The following TREH variants were observed in gnomAD, a reference collection of about 807,000 sequenced individuals.
TREH encodes the protein alpha,alpha-trehalose glucohydrolase.
Under a neutral mutation model 80.5 loss-of-function variants are expected in TREH, and 69 were observed. The observed-to-expected ratio is 0.86, with a 90% CI of 0.71 to 1.05. TREH has a LOEUF of 1.05. Ranked by LOEUF, TREH falls within the 50% of genes least tolerant of loss-of-function variation. The pLI is 0.00. For synonymous variants in TREH, 309 were observed against 293.5 expected (o/e 1.05, Z -0.54); for missense variants, 716 against 718.8 (o/e 1.00, Z 0.04).
chr11:118,659,554 G>C, intron 11 of TREH, 73 bp from the exon 12 acceptor site: 1 of 1,417,886 alleles, frequency 7.1e-7, no homozygotes, highest in East Asian at 2.5e-5. Flanking sequence ...GCTGGACCCC[G>C]CGGGAAGCCA....
chr11:118,664,208 G>T lies in TREH; in HGVS notation c.90-769C>A, dbSNP rs543239748. Among the ~76,000 whole-genome samples, 12 of 152,290 alleles carry T rather than the reference G, an allele frequency of 7.9e-5. No homozygotes were observed. In the South Asian group the frequency reaches 2.5e-3, roughly 32 times the overall value. The stretch of plus-strand genomic sequence containing the variant: ...AGAAGGGGCCCTATGAACAGCTCTT[G>T]GTTGAACAACAAAAAGCTGCTTGGT... On this transcript the variant is annotated intron_variant, in intron 1 of 14. Transcript: ENST00000264029.
At chr11:118,660,073 T>G (rs911369091) in intron 10 of TREH, 109 bp from the exon 11 acceptor site, 6 of 1,029,362 alleles carry the variant, frequency 5.8e-6, no homozygotes, top group Non-Finnish European at 7.0e-6. Context: ...CTGCAAAGGC[T>G]GAGACACCCT....
Position 118,667,172 on chromosome 11 carries a change from G to A in TREH, c.90-3733C>T, listed in dbSNP as rs570647677. Among the ~76,000 whole-genome samples the A allele has an allele frequency of 1.6e-4, 25 of 152,108 alleles. No individual in the cohort carries two copies. The South Asian group carries it at 4.8e-3, about 29-fold the overall frequency. On this transcript the variant is annotated intron_variant, in intron 1 of 14. Coordinates refer to ENST00000264029, the MANE Select transcript of TREH (RefSeq NM_007180.3). ...GCTGGGATTACAGGTGTGGGCCACT[G>A]CACCCAGCCTATTTTTTCTTTTTTT...
intron 1 of TREH, among the ~76,000 whole-genome samples, chr11:118,663,867 G>A (rs782151090): frequency 6.6e-6 from 1 of 152,146 alleles, no homozygotes; most frequent in Non-Finnish European, 1.5e-5. Context: ...TTTCCAGGCG[G>A]TGTATGGTAT....
intron 12 of TREH, among the ~76,000 whole-genome samples, 167 bp downstream of exon 12, chr11:118,659,203 G>A (rs777701518): frequency 8.5e-5 from 13 of 152,238 alleles, no homozygotes; most frequent in Non-Finnish European, 1.5e-4. Flanking sequence ...TGATTGCACT[G>A]GACAGGCTGG....
chr11:118,658,609 G>GGGGC, intron 14 of TREH, 71 bp downstream of exon 14: 1 of 1,543,062 alleles, frequency 6.5e-7, no homozygotes, highest in Non-Finnish European at 8.8e-7. Context: ...ACTGAGGCCT[G>GGGGC]GGGCGGGGGT....
At position 118,661,564 on chromosome 11, in the gene TREH, C is replaced by T; in HGVS notation, c.618-55G>A. ...CTCTCCCCAGCAACTGGCACCAAGGCAATCCAGCTGCATGCCCGTGGCACA... is the reference window on the plus strand; with the variant it reads ...CTCTCCCCAGCAACTGGCACCAAGGTAATCCAGCTGCATGCCCGTGGCACA... On this transcript the variant is annotated intron_variant, in intron 6 of 14. Coordinates refer to ENST00000264029, the MANE Select transcript of TREH (RefSeq NM_007180.3). The surrounding 1 kb of genome is among the most constrained non-coding windows in gnomAD (Gnocchi z 4.2). The T allele has an allele frequency of 3.1e-6, 5 of 1,612,524 alleles. No homozygotes were observed. The highest frequency in any genetic ancestry group is 2.2e-5 in the East Asian group (1 of 44,862).
In TREH at chr11:118,661,949, G is replaced by A. The variant is rs1555145097; in HGVS notation, c.465C>T (p.Leu155=). ...EVLSHPERFS[L]IYSEHPFIVP... ...CAATGAAGGGATGTTCTGAGTAGATGAGAGAGAACCGCTCAGGGTGGCTGA... is the reference window on the plus strand; with the variant it reads ...CAATGAAGGGATGTTCTGAGTAGATAAGAGAGAACCGCTCAGGGTGGCTGA... The change falls in exon 5 of 15, where the codon CTC becomes CTT. Residue 155 remains leucine, a synonymous_variant. Transcript: ENST00000264029. This position sits in a 1 kb window ranked among gnomAD's most constrained non-coding sequence, Gnocchi z 4.2. 6 of 1,555,686 alleles carry A rather than the reference G, an allele frequency of 3.9e-6. No individual in the cohort carries two copies. Among genetic ancestry groups the A allele is most frequent in the South Asian group, 3.6e-5 (3 of 84,296 alleles).
chr11:118,660,422 G>T, intron 10 of TREH, 117 bp downstream of exon 10: 1 of 1,085,636 alleles, frequency 9.2e-7, no homozygotes, highest in Non-Finnish European at 1.3e-6. Context: ...CTAGGGCGGG[G>T]CTCGACAGGC....
chr11:118,659,551 C>G (rs1949284470), intron 11 of TREH, 70 bp from the exon 12 acceptor site: 1 of 1,430,036 alleles, frequency 7.0e-7, no homozygotes, highest in Non-Finnish European at 9.3e-7. Context: ...GACGCTGGAC[C>G]CCGCGGGAAG....
chr11:118,675,267 T>G (rs1478192401), intron 1 of TREH, among the ~76,000 whole-genome samples: 1 of 152,158 alleles, frequency 6.6e-6, no homozygotes, highest in Non-Finnish European at 1.5e-5. Flanking sequence ...TAAATCCACA[T>G]TTTCTGACAC....
chr11:118,660,046 C>T, intron 10 of TREH, 82 bp from the exon 11 acceptor site: 1 of 1,321,466 alleles, frequency 7.6e-7, no homozygotes, highest in Non-Finnish European at 1.0e-6. Flanking sequence ...ACTTTAGCCT[C>T]CCCGCTTTGT....
chr11:118,665,106 T>G (rs1253914793), intron 1 of TREH, among the ~76,000 whole-genome samples: 3 of 150,402 alleles, frequency 2.0e-5, no homozygotes, highest in Admixed American at 6.6e-5. Context: ...CAAGACTGTG[T>G]CTTTAAAAAA....
chr11:118,663,109 T>G lies in TREH; in HGVS notation c.278A>C (p.His93Pro), dbSNP rs1949343165. 1 of 1,614,044 alleles carries G rather than the reference T, an allele frequency of 6.2e-7. No homozygotes were observed. The highest frequency in any genetic ancestry group is 8.5e-7 in the Non-Finnish European group (1 of 1,179,902). Residue 93 changes from histidine to proline, a missense_variant, in exon 3 of 15, where the codon CAC (histidine) becomes CCC (proline). By Grantham distance (77) the His-to-Pro change is moderately conservative (BLOSUM62 -2). Coordinates refer to ENST00000264029, the MANE Select transcript of TREH (RefSeq NM_007180.3). ...CAGCTCCTGCCCCTTGGCCTGGAAG[T>G]GTTCGTGGACAAACGCCTGCAGCTG... The part of the protein sequence containing the change: ...REQLQAFVHE[H>P]FQAKGQELQP...
chr11:118,679,418 A>G, intron 1 of TREH, 121 bp downstream of exon 1: 6 of 1,022,142 alleles, frequency 5.9e-6, no homozygotes, highest in Non-Finnish European at 6.6e-6. Context: ...TCTCTTCCCT[A>G]CTCTTTCCTT....
rs371830538 is a variant in TREH at position 118,668,432 on chromosome 11, G to A, written c.90-4993C>T. Among the ~76,000 whole-genome samples, 48 of 151,130 alleles carry A rather than the reference G, an allele frequency of 3.2e-4. 1 individual carries two copies. In the South Asian group the frequency reaches 9.4e-3, roughly 30 times the overall value. ...AAAAAAATGAAAAAATTAGCTGGGCGTGGTGGCATGCACCATGTTGCTTGG... is the reference window on the plus strand; with the variant it reads ...AAAAAAATGAAAAAATTAGCTGGGCATGGTGGCATGCACCATGTTGCTTGG... On this transcript the variant is annotated intron_variant, in intron 1 of 14. Coordinates refer to ENST00000264029, the MANE Select transcript of TREH (RefSeq NM_007180.3).
At chr11:118,679,432 T>G in intron 1 of TREH, 107 bp downstream of exon 1, 1 of 1,301,674 alleles carries the variant, frequency 7.7e-7, no homozygotes, top group Non-Finnish European at 1.0e-6. Flanking sequence ...TTTCCTTCCT[T>G]TATAATCTCT....
chr11:118,661,391 A>G lies in TREH; in HGVS notation c.734+2T>C. On this transcript the variant is annotated splice_donor_variant, in intron 7 of 14. Transcript: ENST00000264029. LOFTEE classifies it high-confidence loss of function. The surrounding 1 kb of genome is among the most constrained non-coding windows in gnomAD (Gnocchi z 4.2). Reference sequence around the variant, plus strand: ...GAGCAGCACAGGGAGGGTGGTACCCACTGTAGAAAGGCGGTGTCATTGGTG... The same window carrying G: ...GAGCAGCACAGGGAGGGTGGTACCCGCTGTAGAAAGGCGGTGTCATTGGTG... The G allele has an allele frequency of 6.2e-7, 1 of 1,613,954 alleles. No individual in the cohort carries two copies. Among genetic ancestry groups the G allele is most frequent in the Non-Finnish European group, 8.5e-7 (1 of 1,179,848 alleles).
chr11:118,669,587 C>A (rs1424812764), intron 1 of TREH, among the ~76,000 whole-genome samples: 1 of 152,194 alleles, frequency 6.6e-6, no homozygotes, highest in Middle Eastern at 3.4e-3. Context: ...GTGAAATAAG[C>A]CAGACGCAGA....
Sources: gnomAD v4.1 joint callset for allele counts (sites outside exome capture counted in the v4.1 genomes callset) on GRCh38, gnomAD v4.1.1 for gene constraint, Gnocchi (gnomAD v3.1) non-coding constraint, MANE v1.5 for transcripts, NCBI Gene and HGNC (gene_info 2026-07-23, HGNC 2026-07-21) for gene names.